KDM3B: variants seen among roughly 807,000 people sequenced by gnomAD.
KDM3B encodes lysine demethylase 3B, also known as lysine-specific demethylase 3B.
Under a neutral mutation model 170.0 loss-of-function variants are expected in KDM3B, and 10 were observed. The ratio of observed to expected loss-of-function variants is 0.06; its 90% CI spans 0.04 to 0.10. The LOEUF is 0.10. Among genes scored for constraint, KDM3B ranks in the 10% least tolerant of loss-of-function variants. The pLI is 1.00. For synonymous variants in KDM3B, 831 were observed against 834.8 expected, an observed-to-expected ratio of 1.00 and a Z score of 0.08; for missense variants, 1,394 against 2,195.2, an observed-to-expected ratio of 0.64 and a Z score of 7.29.
chr5:138,373,867 C>G (rs1761933055), intron 2 of KDM3B, among the ~76,000 whole-genome samples: 1 of 152,110 alleles, frequency 6.6e-6, no homozygotes. Flanking sequence ...ATGGTAACTT[C>G]TAAAAAATCC....
chr5:138,419,059 C>G lies in KDM3B; in HGVS notation c.3542C>G (p.Ala1181Gly), dbSNP rs749075224. 3.7e-6 allele frequency: 6 copies of G among 1,614,206 alleles called. No homozygotes were observed. Among genetic ancestry groups the G allele is most frequent in the South Asian group, 1.1e-5 (1 of 91,082 alleles). The change falls in exon 14 of 24, where the codon GCC (alanine) becomes GGC (glycine). Residue 1181 changes from alanine to glycine, a missense_variant. Around this residue, in one of 19 missense-constraint regions of KDM3B, gnomAD observed 87 missense variants for 83.3 expected, o/e 1.04. Transcript: ENST00000314358. ...CCAGAGCCGGACCATGTTCCCAAAG[C>G]CGACAGCACTGACATCAGATCTGAA... ...TTPEPDHVPK[A>G]DSTDIRSEEP...
chr5:138,406,545 G>A (rs1001560022), intron 11 of KDM3B, among the ~76,000 whole-genome samples: 5 of 152,204 alleles, frequency 3.3e-5, no homozygotes, highest in African/African-American at 1.2e-4. Flanking sequence ...TACTCAGGAG[G>A]CTGAGGCAGG....
At chr5:138,403,469 A>C (rs771823377) in intron 11 of KDM3B, among the ~76,000 whole-genome samples, 1 of 152,046 alleles carries the variant, frequency 6.6e-6, no homozygotes, top group Non-Finnish European at 1.5e-5. Flanking sequence ...TGAGGTCAGG[A>C]GTTTGAGACC....
At chr5:138,435,559 A>G in intron 23 of KDM3B, 61 bp from the exon 24 acceptor site, 1 of 1,327,318 alleles carries the variant, frequency 7.5e-7, no homozygotes. Context: ...CTTACAGTCA[A>G]GGTAGAACGT....
intron 9 of KDM3B, chr5:138,397,965 T>G: frequency 2.2e-6 from 1 of 460,202 alleles, no homozygotes; most frequent in Non-Finnish European, 3.8e-6. Context: ...TAAGAGGAAC[T>G]CTGGGACAGC....
At chr5:138,431,603 T>C in intron 23 of KDM3B, 44 bp downstream of exon 23, 2 of 1,505,280 alleles carry the variant, frequency 1.3e-6, no homozygotes, top group Non-Finnish European at 1.8e-6. Context: ...TCTCATTGCA[T>C]ACTCACATAC....
In KDM3B at chr5:138,391,858, C is replaced by G. The variant is rs891769851; in HGVS notation, c.2226C>G (p.Ser742=). The G allele has an allele frequency of 1.2e-6, 2 of 1,614,170 alleles. No individual in the cohort carries two copies. Among genetic ancestry groups the G allele is most frequent in the South Asian group, 2.2e-5 (2 of 91,070 alleles). ...LTQPIEMPTL[S]SSPTEERPTV... ...AGCCCATTGAGATGCCAACTCTCTC[C>G]TCTAGCCCCACAGAGGAGAGGCCAA... The change falls in exon 8 of 24, where the codon TCC becomes TCG. Residue 742 remains serine, a synonymous_variant. Coordinates refer to ENST00000314358, the MANE Select transcript of KDM3B (RefSeq NM_016604.4). The surrounding 1 kb of genome is among the most constrained non-coding windows in gnomAD (Gnocchi z 5.0).
At chr5:138,423,157 G>C (rs371040981) in intron 15 of KDM3B, among the ~76,000 whole-genome samples, 1 of 152,168 alleles carries the variant, frequency 6.6e-6, no homozygotes, top group African/African-American at 2.4e-5. Flanking sequence ...TGTTGGCCAG[G>C]CTGGTCTCGA....
chr5:138,419,939 G>T (rs1446596505), intron 14 of KDM3B, among the ~76,000 whole-genome samples: 1 of 152,010 alleles, frequency 6.6e-6, no homozygotes, highest in African/African-American at 2.4e-5. Flanking sequence ...CGGCTGGAGT[G>T]CAGTGGCGCG....
At chr5:138,401,240 C>T (rs2126964143) in intron 11 of KDM3B, among the ~76,000 whole-genome samples, 1 of 139,296 alleles carries the variant, frequency 7.2e-6, no homozygotes, top group African/African-American at 2.6e-5. Flanking sequence ...CACTGTACTC[C>T]AACCTGGGCA....
intron 9 of KDM3B, among the ~76,000 whole-genome samples, chr5:138,396,949 G>A (rs999379958): frequency 2.6e-5 from 4 of 152,168 alleles, no homozygotes; most frequent in Non-Finnish European, 4.4e-5. Context: ...ACTTTGGAAG[G>A]CCGAGGTGGG....
chr5:138,371,454 CAAAA>C (rs747631161), intron 1 of KDM3B, among the ~76,000 whole-genome samples: 7 of 56,704 alleles, frequency 1.2e-4, no homozygotes, highest in Non-Finnish European at 7.6e-5. Flanking sequence ...GACCCTGTCT[CAAAA>C]AAAAAAAAAA....
chr5:138,376,285 G>A (rs1761997564), intron 3 of KDM3B, among the ~76,000 whole-genome samples: 1 of 152,106 alleles, frequency 6.6e-6, no homozygotes, highest in South Asian at 2.1e-4. Flanking sequence ...ACCTCCCTGT[G>A]CATTTTAAAG....
chr5:138,417,771 G>T, intron 13 of KDM3B, 161 bp downstream of exon 13: 1 of 662,464 alleles, frequency 1.5e-6, no homozygotes, highest in Non-Finnish European at 2.6e-6. Context: ...TTTACTCAAA[G>T]GATTTTAATT....
chr5:138,376,987 C>A (rs1762016021), intron 3 of KDM3B, among the ~76,000 whole-genome samples: 1 of 152,200 alleles, frequency 6.6e-6, no homozygotes, highest in Non-Finnish European at 1.5e-5. Flanking sequence ...GTTTTACTGT[C>A]TTACTGAGAC....
At chr5:138,415,534 C>T (rs2126984837) in intron 12 of KDM3B, among the ~76,000 whole-genome samples, 1 of 152,202 alleles carries the variant, frequency 6.6e-6, no homozygotes, top group Non-Finnish European at 1.5e-5. Flanking sequence ...AACTCCTGAC[C>T]TCCAGTGATC....
rs1459014518 is a variant in KDM3B, at chr5:138,426,877, AAAAG to A, written c.4412-94_4412-91del. On this transcript the variant is annotated intron_variant, in intron 17 of 23. Coordinates refer to ENST00000314358, the MANE Select transcript of KDM3B (RefSeq NM_016604.4). ...GACTCTGTCTCAAAAAAAAAAAAAAAAAAGAAAAAAAAGAGATTAGTCTCCCAAA... is the reference window on the plus strand; with the variant it reads ...GACTCTGTCTCAAAAAAAAAAAAAAAAAAAAAAAGAGATTAGTCTCCCAAA... 496 of 728,666 alleles carry A rather than the reference AAAAG, an allele frequency of 6.8e-4. 74 individuals are homozygous for A. The highest frequency in any genetic ancestry group is 7.4e-4 in the Admixed American group (26 of 34,956). 45.1% of individuals were successfully genotyped at this position (728,666 alleles called of 1,614,324 possible). A position where few individuals can be genotyped will look rare whatever the true frequency, so the allele number is the denominator to read the frequency against.
At chr5:138,366,954 C>T (rs1368916086) in intron 1 of KDM3B, among the ~76,000 whole-genome samples, 1 of 152,226 alleles carries the variant, frequency 6.6e-6, no homozygotes, top group Non-Finnish European at 1.5e-5. Flanking sequence ...TACTAGCCTC[C>T]TCCTACTACT....
intron 17 of KDM3B, among the ~76,000 whole-genome samples, chr5:138,426,431 C>T (rs546284346): frequency 3.3e-5 from 5 of 151,546 alleles, no homozygotes; most frequent in African/African-American, 1.2e-4. Flanking sequence ...AAAAATTAGC[C>T]GGGCATGGTG....
Sources: allele counts gnomAD v4.1 joint callset (sites outside exome capture counted in the v4.1 genomes callset), GRCh38; gene constraint gnomAD v4.1.1; regional missense constraint gnomAD v4.1.1; non-coding constraint Gnocchi (gnomAD v3.1); transcripts MANE v1.5; gene names NCBI Gene and HGNC (gene_info 2026-07-23, HGNC 2026-07-21).